OTUD3: variants seen among roughly 807,000 people sequenced by gnomAD.
OTUD3 encodes the protein OTU deubiquitinase 3, also known as OTU domain-containing protein 3.
In OTUD3, 24 loss-of-function variants were observed where a neutral mutation model predicts 46.2. That is an observed-to-expected ratio of 0.52 (90% CI 0.38 to 0.73). OTUD3 has a LOEUF of 0.73. Among genes scored for constraint, OTUD3 ranks in the 30% least tolerant of loss-of-function variants. OTUD3 has a pLI of 0.00. For missense variants in OTUD3, 455 were observed against 523.3 expected, an observed-to-expected ratio of 0.87 and a Z score of 1.27; for synonymous variants, 189 against 195.4, an observed-to-expected ratio of 0.97 and a Z score of 0.27.
chr1:19,890,521 T>G lies in OTUD3; in HGVS notation c.358T>G (p.Phe120Val), dbSNP rs1439931366. Residue 120 changes from phenylalanine to valine, a missense_variant, in exon 2 of 8, where the codon TTT becomes GTT. Physicochemically the swap from Phe to Val is conservative, Grantham distance 50. Transcript: ENST00000375120. ...ACCCTTTGTAGAAGATGACATTCCT[T>G]TTGAGAAGCATGGTAGGTTCACTGT... is the stretch of plus-strand genomic sequence containing the variant. ...FEPFVEDDIP[F>V]EKHVASLAKP... The G allele has an allele frequency of 6.2e-7, 1 of 1,613,778 alleles. No individual in the cohort carries two copies. The highest frequency in any genetic ancestry group is 1.1e-5 in the South Asian group (1 of 91,058).
chr1:19,892,699 C>T (rs535796386), intron 2 of OTUD3, among the ~76,000 whole-genome samples: 3 of 152,244 alleles, frequency 2.0e-5, no homozygotes, highest in East Asian at 1.9e-4. Context: ...GCTACTACCC[C>T]GTAAAATCAG....
At position 19,882,547 on chromosome 1, in the gene OTUD3, G is replaced by T; in HGVS notation, c.34G>T (p.Gly12Cys). The T allele has an allele frequency of 7.4e-7, 1 of 1,349,180 alleles. No homozygotes were observed. The highest frequency in any genetic ancestry group is 9.4e-7 in the Non-Finnish European group (1 of 1,058,784). The allele number at this position is 1,349,180 out of a possible 1,614,324, so 83.6% of individuals were successfully genotyped here. A position where few individuals can be genotyped will look rare whatever the true frequency, so the allele number is the denominator to read the frequency against. ...SRKQAAKSRPGSGSRKAEAER... is the reference protein window; with the variant it reads ...SRKQAAKSRPCSGSRKAEAER... Reference sequence around the variant, plus strand: ...AAAGCAGGCGGCGAAGAGCCGGCCGGGCAGCGGCAGCCGGAAAGCCGAGGC... The same window carrying T: ...AAAGCAGGCGGCGAAGAGCCGGCCGTGCAGCGGCAGCCGGAAAGCCGAGGC... The change falls in exon 1 of 8, where the codon GGC (glycine) becomes TGC (cysteine). Residue 12 changes from glycine (G) to cysteine (C), a missense_variant. Coordinates refer to ENST00000375120, the MANE Select transcript of OTUD3 (RefSeq NM_015207.2).
At chr1:19,901,583 C>G (rs2045591302) in intron 4 of OTUD3, among the ~76,000 whole-genome samples, 1 of 152,160 alleles carries the variant, frequency 6.6e-6, no homozygotes, top group Non-Finnish European at 1.5e-5. Flanking sequence ...CTCAGTACAT[C>G]TGCAGTGTTT....
At chr1:19,900,148 G>C (rs1192808999) in intron 4 of OTUD3, among the ~76,000 whole-genome samples, 1 of 152,132 alleles carries the variant, frequency 6.6e-6, no homozygotes, top group Admixed American at 6.5e-5. Context: ...TTCCCACTCT[G>C]AGGTTAAAAA....
At chr1:19,904,791 C>A in intron 5 of OTUD3, 100 bp from the exon 6 acceptor site, 1 of 674,286 alleles carries the variant, frequency 1.5e-6, no homozygotes, top group Non-Finnish European at 2.7e-6. Flanking sequence ...TTAATTCTCA[C>A]TATTACATCT....
rs1347459214 is a variant in OTUD3, at chr1:19,910,705, G to A, written c.*2959G>A. The A allele has an allele frequency of 6.6e-6, 1 of 152,258 alleles. No homozygotes were observed. The highest frequency in any genetic ancestry group is 6.5e-5 in the Admixed American group (1 of 15,276). 9.4% of individuals were successfully genotyped at this position (152,258 alleles called of 1,614,324 possible). A position where few individuals can be genotyped will look rare whatever the true frequency, so the allele number is the denominator to read the frequency against. On this transcript the variant is annotated 3_prime_UTR_variant, in exon 8 of 8. Transcript: ENST00000375120. ...TTTGATTCTGAGGGCTTGGGAAGTG[G>A]GATCTCCCTTGTGGAGCAGCTGGAG...
intron 3 of OTUD3, among the ~76,000 whole-genome samples, chr1:19,894,697 G>A (rs562195610): frequency 5.9e-5 from 9 of 152,306 alleles, no homozygotes; most frequent in Non-Finnish European, 1.2e-4. Flanking sequence ...CTTTTAAAAT[G>A]CTATAAATAT....
Position 19,882,723 on chromosome 1 carries a change from G to C in OTUD3, c.210G>C (p.Val70=). Residue 70 remains valine, a synonymous_variant, in exon 1 of 8, where the codon GTG becomes GTC. Transcript: ENST00000375120. ...LQALGLKLRE[V]PGDGNCLFRA... is the part of the protein sequence containing the mutation. ...CCCTGGGGCTGAAGCTGCGGGAGGT[G>C]CCGGGGGACGGGTGAGGCGGGCCGG... 1 of 1,370,858 alleles carries C rather than the reference G, an allele frequency of 7.3e-7. No homozygotes were observed. Among genetic ancestry groups the C allele is most frequent in the Non-Finnish European group, 9.4e-7 (1 of 1,060,530 alleles). 84.9% of individuals were successfully genotyped at this position (1,370,858 alleles called of 1,614,324 possible).
chr1:19,904,287 T>A lies in OTUD3; in HGVS notation c.627T>A (p.Asp209Glu). 1 of 1,604,712 alleles carries A rather than the reference T, an allele frequency of 6.2e-7. No individual in the cohort carries two copies. The highest frequency in any genetic ancestry group is 8.5e-7 in the Non-Finnish European group (1 of 1,176,480). ...LQTDFQMLHQ[D>E]ESNKREKIKT... ...TTTAGTTTCAGATGCTTCATCAAGA[T>A]GAATCAAATAAAAGAGAAAAGATCA... Residue 209 changes from aspartate (D) to glutamate (E), a missense_variant, in exon 5 of 8, where the codon GAT becomes GAA. Physicochemically the swap from Asp to Glu is conservative, Grantham distance 45 (BLOSUM62 2). Coordinates refer to ENST00000375120, the MANE Select transcript of OTUD3 (RefSeq NM_015207.2).
At chr1:19,885,151 C>T (rs1186519312) in intron 1 of OTUD3, among the ~76,000 whole-genome samples, 11 of 152,086 alleles carry the variant, frequency 7.2e-5, no homozygotes, top group Non-Finnish European at 1.6e-4. Flanking sequence ...GTGTAGGGCA[C>T]AAGGGTAGAA....
intron 2 of OTUD3, among the ~76,000 whole-genome samples, chr1:19,892,335 C>T (rs1350306246): frequency 6.6e-6 from 1 of 152,096 alleles, no homozygotes; most frequent in Non-Finnish European, 1.5e-5. Context: ...GTCATAGTTA[C>T]CTGTTTTTAA....
chr1:19,910,596 A>C lies in OTUD3; in HGVS notation c.*2850A>C, dbSNP rs1467928569. On this transcript the variant is annotated 3_prime_UTR_variant, in exon 8 of 8. Transcript: ENST00000375120. ...CTTTCAGGAGCAAAGTATGGTTGAG[A>C]AATTGTGGCAGAAAGAATTTTAAAT... 2 of 152,366 alleles carry C rather than the reference A, an allele frequency of 1.3e-5. No homozygotes were observed. Among genetic ancestry groups the C allele is most frequent in the African/African-American group, 4.8e-5 (2 of 41,472 alleles). The allele number at this position is 152,366 out of a possible 1,614,324, so 9.4% of individuals were successfully genotyped here.
chr1:19,883,616 T>TA (rs1374699534), intron 1 of OTUD3, among the ~76,000 whole-genome samples: 1 of 152,162 alleles, frequency 6.6e-6, no homozygotes, highest in African/African-American at 2.4e-5. Context: ...AAAATGAAAT[T>TA]AAAGACCATA....
chr1:19,883,157 C>T (rs1033683527), intron 1 of OTUD3, among the ~76,000 whole-genome samples: 1 of 152,188 alleles, frequency 6.6e-6, no homozygotes, highest in African/African-American at 2.4e-5. Flanking sequence ...CTTGGTAGAA[C>T]GCTTTGCCTC....
chr1:19,912,365 T>TA lies in OTUD3; in HGVS notation c.*4620dup, dbSNP rs1472080398. ...GAGGCTTCACACATTTTCCCACTCTTACAGTTCATTTTTCATAGTAGGAAG... is the reference window on the plus strand; with the variant it reads ...GAGGCTTCACACATTTTCCCACTCTTAACAGTTCATTTTTCATAGTAGGAAG... On this transcript the variant is annotated 3_prime_UTR_variant, in exon 8 of 8. Transcript: ENST00000375120. 6.6e-6 allele frequency: 1 copy of TA among 152,420 alleles called. No individual in the cohort carries two copies. Among genetic ancestry groups the TA allele is most frequent in the East Asian group, 1.9e-4 (1 of 5,316 alleles). The allele number at this position is 152,420 out of a possible 1,614,324, so 9.4% of individuals were successfully genotyped here.
chr1:19,895,149 A>G (rs1417400292), intron 3 of OTUD3, among the ~76,000 whole-genome samples: 3 of 152,248 alleles, frequency 2.0e-5, no homozygotes, highest in African/African-American at 2.4e-5. Context: ...ACATGTATCC[A>G]TATCCACATA....
rs910858868 is a variant in OTUD3 at position 19,897,728 on chromosome 1, T to A, written c.606+66T>A. ...CAGGAAACAGATTGAGAGCTGTATA[T>A]CTGGCGCTAAAAACCAGTAATGTTT... On this transcript the variant is annotated intron_variant, in intron 4 of 7. Transcript: ENST00000375120. The A allele has an allele frequency of 2.0e-6, 3 of 1,486,402 alleles. No individual in the cohort carries two copies. In the African/African-American group the frequency reaches 4.3e-5, roughly 21 times the overall value. The allele number at this position is 1,486,402 out of a possible 1,614,324, so 92.1% of individuals were successfully genotyped here. A position where few individuals can be genotyped will look rare whatever the true frequency, so the allele number is the denominator to read the frequency against.
rs2045637150 is a variant in OTUD3 at position 19,904,914 on chromosome 1, CCTGGAAG to C, written c.766_772del (p.Glu256LysfsTer9). On this transcript the variant is annotated frameshift_variant, in exon 6 of 8. Coordinates refer to ENST00000375120, the MANE Select transcript of OTUD3 (RefSeq NM_015207.2). LOFTEE classifies it high-confidence loss of function. ...AGGATTTTAATTTAATAGTCCAGAA[CCTGGAAG>C]CTGAAAATTATAATATTGAATCTGC... 2 of 1,582,448 alleles carry C rather than the reference CCTGGAAG, an allele frequency of 1.3e-6. No homozygotes were observed. The highest frequency in any genetic ancestry group is 1.7e-6 in the Non-Finnish European group (2 of 1,153,588).
chr1:19,908,754 G>T lies in OTUD3; in HGVS notation c.*1008G>T, dbSNP rs2045698723. ...AGATACGTGGTAACTTGACCTTATA[G>T]GTCGCTAAACTTAGTATTGTGGAAA... is the stretch of plus-strand genomic sequence containing the variant. On this transcript the variant is annotated 3_prime_UTR_variant, in exon 8 of 8. Transcript: ENST00000375120. The T allele has an allele frequency of 6.6e-6, 1 of 152,336 alleles. No individual in the cohort carries two copies. The highest frequency in any genetic ancestry group is 1.5e-5 in the Non-Finnish European group (1 of 68,034). The allele number at this position is 152,336 out of a possible 1,614,324, so 9.4% of individuals were successfully genotyped here.
Sources: gnomAD v4.1 joint callset for allele counts (sites outside exome capture counted in the v4.1 genomes callset) on GRCh38, gnomAD v4.1.1 for gene constraint, MANE v1.5 for transcripts, NCBI Gene and HGNC (gene_info 2026-07-23, HGNC 2026-07-21) for gene names.